Variants in PRSS23 observed in about 807,000 individuals in gnomAD.
The protein encoded by PRSS23 is serine protease 23, also known as protease, serine 23.
A neutral mutation model predicts 34.7 loss-of-function variants in PRSS23; 25 were observed. That is an observed-to-expected ratio of 0.72 (90% CI 0.53 to 1.01). The LOEUF (loss-of-function observed/expected upper bound fraction) is 1.01. PRSS23 is among the 50% of genes least tolerant of loss of function. The pLI is 0.00. For missense variants in PRSS23, 445 were observed against 475.6 expected (o/e 0.94, Z 0.60); for synonymous variants, 176 against 186.6 (o/e 0.94, Z 0.46).
chr11:86,884,531 C>G (rs1041560486), intron 2 of PRSS23, among the ~76,000 whole-genome samples: 1 of 151,780 alleles, frequency 6.6e-6, no homozygotes, highest in Non-Finnish European at 1.5e-5. Flanking sequence ...AACTCCTGAC[C>G]TCAGGTGATC....
At chr11:86,793,521 G>A (rs1296190715) in intron 1 of PRSS23, among the ~76,000 whole-genome samples, 2 of 152,142 alleles carry the variant, frequency 1.3e-5, no homozygotes, top group East Asian at 3.8e-4. Flanking sequence ...TAATTAGCAG[G>A]CCAAGTGGAA....
At chr11:86,824,461 TC>T (rs1253223271) in intron 2 of PRSS23, among the ~76,000 whole-genome samples, 1 of 150,654 alleles carries the variant, frequency 6.6e-6, no homozygotes. Flanking sequence ...AGTCTTTTTA[TC>T]TTTTTTTTTT....
chr11:86,905,958 G>A (rs563993296), intron 2 of PRSS23, among the ~76,000 whole-genome samples: 17 of 152,300 alleles, frequency 1.1e-4, no homozygotes, highest in Middle Eastern at 3.4e-3. Flanking sequence ...GATCTTGCTG[G>A]TGCCCTAGGC....
At chr11:86,831,076 C>T (rs1948351458) in intron 2 of PRSS23, among the ~76,000 whole-genome samples, 1 of 151,936 alleles carries the variant, frequency 6.6e-6, no homozygotes, top group African/African-American at 2.4e-5. Context: ...ACTTGTAATA[C>T]TATTCGTAAT....
intron 2 of PRSS23, chr11:86,950,813 A>T (rs1166121216): frequency 7.6e-6 from 3 of 394,920 alleles, no homozygotes; most frequent in Non-Finnish European, 1.4e-5. Context: ...CCTGCAGGGG[A>T]AAACAGTATC....
At chr11:86,876,995 C>A (rs1303488596) in intron 2 of PRSS23, among the ~76,000 whole-genome samples, 1 of 152,200 alleles carries the variant, frequency 6.6e-6, no homozygotes, top group Non-Finnish European at 1.5e-5. Context: ...ACCTGCACGG[C>A]TGAGCCCTGG....
rs539715847 is a variant in PRSS23 at position 86,820,537 on chromosome 11, G to A, written c.-11-2840G>A. ...TTGCAGAAAGGTAAATCCTTTCCAA[G>A]TATGTTATACTTTATGTAGCACAGT... is the stretch of plus-strand genomic sequence containing the variant. On this transcript the variant is annotated intron_variant, in intron 1 of 2. Transcript: ENST00000533902. Among the ~76,000 whole-genome samples, 17 of 152,150 alleles carry A rather than the reference G, an allele frequency of 1.1e-4. 1 individual carries two copies. The South Asian group carries it at 2.1e-3, about 19-fold the overall frequency.
At chr11:86,823,457 G>A (rs1948269269) in exon 2 of PRSS23, 1 of 702,324 alleles carries the variant, frequency 1.4e-6, no homozygotes. Flanking sequence ...GAAGCGAGAG[G>A]GCTCAACAGT....
intron 2 of PRSS23, among the ~76,000 whole-genome samples, chr11:86,905,597 G>A (rs1427029352): frequency 6.6e-6 from 1 of 152,220 alleles, no homozygotes; most frequent in African/African-American, 2.4e-5. Context: ...AAGTCCTGAA[G>A]CTACCCTGAA....
chr11:86,865,502 T>C (rs12361286), intron 2 of PRSS23, among the ~76,000 whole-genome samples: 46,989 of 152,124 alleles, frequency 0.31, 7,493 homozygotes, highest in Non-Finnish European at 0.35. Context: ...GAATGCCTCC[T>C]TGCTGGGCCT....
chr11:86,806,266 C>T (rs1948100181), intron 1 of PRSS23, among the ~76,000 whole-genome samples: 2 of 152,222 alleles, frequency 1.3e-5, no homozygotes. Flanking sequence ...TGTTGCTGTG[C>T]CCTTGCACAG....
At chr11:86,838,057 G>A (rs1948420032) in intron 2 of PRSS23, among the ~76,000 whole-genome samples, 1 of 151,800 alleles carries the variant, frequency 6.6e-6, no homozygotes, top group African/African-American at 2.4e-5. Context: ...GACTGTATCT[G>A]AAGAAACGGT....
intron 2 of PRSS23, among the ~76,000 whole-genome samples, chr11:86,876,631 G>A (rs1445901612): frequency 6.6e-6 from 1 of 152,048 alleles, no homozygotes; most frequent in Non-Finnish European, 1.5e-5. Flanking sequence ...CCCCACCACA[G>A]ACCTACTGAA....
intron 2 of PRSS23, among the ~76,000 whole-genome samples, chr11:86,927,572 C>T (rs919273685): frequency 4.6e-5 from 7 of 152,064 alleles, no homozygotes; most frequent in African/African-American, 1.7e-4. Flanking sequence ...GTCTTGAACT[C>T]CTAAGCTCAA....
chr11:86,873,648 C>A (rs56119716), intron 2 of PRSS23, among the ~76,000 whole-genome samples: 5,778 of 152,218 alleles, frequency 0.038, 141 homozygotes, highest in Non-Finnish European at 0.055. Flanking sequence ...CTAACCCATG[C>A]AAGGCCACTC....
intron 2 of PRSS23, chr11:86,934,112 C>CTA (rs111891449): frequency 6.6e-6 from 1 of 151,814 alleles, no homozygotes; most frequent in African/African-American, 2.4e-5. Flanking sequence ...TCCCCCAGTT[C>CTA]GGAATGGGAA....
At chr11:86,883,871 A>G (rs1948785989) in intron 2 of PRSS23, among the ~76,000 whole-genome samples, 2 of 152,120 alleles carry the variant, frequency 1.3e-5, no homozygotes, top group African/African-American at 4.8e-5. Flanking sequence ...ATTTCTACAT[A>G]TTTATGAATT....
At chr11:86,848,091 G>A (rs1222133332) in intron 2 of PRSS23, among the ~76,000 whole-genome samples, 7 of 152,196 alleles carry the variant, frequency 4.6e-5, no homozygotes, top group Non-Finnish European at 7.3e-5. Flanking sequence ...GAATTTGGGC[G>A]CATTCACATG....
intron 2 of PRSS23, among the ~76,000 whole-genome samples, chr11:86,833,874 G>T (rs1039373937): frequency 5.3e-5 from 8 of 152,126 alleles, no homozygotes; most frequent in African/African-American, 1.7e-4. Flanking sequence ...CACTCTAACT[G>T]CTTCTTGCTG....
Sources: gnomAD v4.1 joint callset for allele counts (sites outside exome capture counted in the v4.1 genomes callset) on GRCh38, gnomAD v4.1.1 for gene constraint, MANE v1.5 for transcripts, NCBI Gene and HGNC (gene_info 2026-07-23, HGNC 2026-07-21) for gene names.